Variants in CAMK1D observed in about 807,000 individuals in gnomAD.
CAMK1D encodes the protein calcium/calmodulin dependent protein kinase ID, also known as calcium/calmodulin-dependent protein kinase type 1D.
A neutral mutation model predicts 47.7 loss-of-function variants in CAMK1D; 9 were observed. The ratio of observed to expected loss-of-function variants is 0.19; its 90% CI spans 0.11 to 0.33. CAMK1D has a LOEUF of 0.33. Ranked by LOEUF, CAMK1D falls within the 10% of genes least tolerant of loss-of-function variation. CAMK1D has a pLI of 1.00. For missense variants in CAMK1D, 291 were observed against 488.7 expected (o/e 0.60, Z 3.81); for synonymous variants, 184 against 184.9 (o/e 0.99, Z 0.04).
intron 3 of CAMK1D, among the ~76,000 whole-genome samples, chr10:12,722,979 CTGG>C (rs1313192611): frequency 1.3e-5 from 2 of 151,882 alleles, no homozygotes; most frequent in African/African-American, 4.8e-5. Flanking sequence ...ATGGTGTGGG[CTGG>C]AATTTGAGTG....
intron 2 of CAMK1D, among the ~76,000 whole-genome samples, chr10:12,659,149 C>G (rs1840201696): frequency 6.6e-6 from 1 of 152,156 alleles, no homozygotes; most frequent in Non-Finnish European, 1.5e-5. Flanking sequence ...TGAGCCAGTC[C>G]CCCTGTCGCA....
At chr10:12,486,190 G>A (rs960578063) in intron 1 of CAMK1D, among the ~76,000 whole-genome samples, 46 of 148,406 alleles carry the variant, frequency 3.1e-4, no homozygotes, top group African/African-American at 1.1e-3. Context: ...ACAGAGTCTC[G>A]CTCTGTCACC....
intron 1 of CAMK1D, among the ~76,000 whole-genome samples, chr10:12,471,497 T>A (rs1655258765): frequency 6.6e-6 from 1 of 152,150 alleles, no homozygotes; most frequent in Non-Finnish European, 1.5e-5. Context: ...TGACTAGAGC[T>A]CAGCAGCCTA....
chr10:12,567,191 C>G (rs1329959709), intron 2 of CAMK1D, among the ~76,000 whole-genome samples: 3 of 152,206 alleles, frequency 2.0e-5, no homozygotes, highest in Non-Finnish European at 4.4e-5. Context: ...GCAAATGCTA[C>G]TCTGGTGTGA....
At chr10:12,751,669 G>C (rs1468138057) in intron 3 of CAMK1D, among the ~76,000 whole-genome samples, 3 of 152,218 alleles carry the variant, frequency 2.0e-5, no homozygotes, top group Non-Finnish European at 4.4e-5. Flanking sequence ...ATCTGGTCTA[G>C]GGGTCAGGAA....
In CAMK1D at chr10:12,781,982, T is replaced by G. The variant is rs201112765; in HGVS notation, c.566-9176T>G. Among the ~76,000 whole-genome samples the G allele has an allele frequency of 3.1e-3, 472 of 151,190 alleles. 10 individuals are homozygous for G. The East Asian group carries it at 0.054, about 17-fold the overall frequency. On this transcript the variant is annotated intron_variant, in intron 5 of 10. Coordinates refer to ENST00000619168, the MANE Select transcript of CAMK1D (RefSeq NM_153498.4). The stretch of plus-strand genomic sequence containing the variant: ...GTTTTTAATTTAATTGTTTTTTTTT[T>G]TTTTTTTTTTGCCATCCTGATCTAT...
intron 2 of CAMK1D, among the ~76,000 whole-genome samples, chr10:12,559,570 G>A (rs1407784602): frequency 1.3e-5 from 2 of 152,150 alleles, no homozygotes; most frequent in African/African-American, 4.8e-5. Flanking sequence ...CACAAGCCAG[G>A]CAATGTTTCC....
intron 1 of CAMK1D, among the ~76,000 whole-genome samples, chr10:12,445,711 C>T (rs1490127215): frequency 6.6e-6 from 1 of 152,186 alleles, no homozygotes. Flanking sequence ...ATGTAAAAGT[C>T]ATAAACCATG....
chr10:12,738,303 G>C (rs1375365551), intron 3 of CAMK1D, among the ~76,000 whole-genome samples: 1 of 152,194 alleles, frequency 6.6e-6, no homozygotes, highest in East Asian at 1.9e-4. Flanking sequence ...GAGATGCAAA[G>C]AGTCACATAG....
intron 2 of CAMK1D, among the ~76,000 whole-genome samples, chr10:12,638,567 G>A (rs955416211): frequency 3.3e-5 from 5 of 151,974 alleles, no homozygotes; most frequent in South Asian, 2.1e-4. Flanking sequence ...CTTGGCCCCC[G>A]ACCCTGGCCA....
At chr10:12,434,363 C>T (rs184628927) in intron 1 of CAMK1D, among the ~76,000 whole-genome samples, 4 of 152,274 alleles carry the variant, frequency 2.6e-5, no homozygotes, top group Admixed American at 1.3e-4. Context: ...TGCCCTTCAG[C>T]GCTTGAGATT....
chr10:12,502,092 C>G (rs1161795026), intron 1 of CAMK1D, among the ~76,000 whole-genome samples: 1 of 152,092 alleles, frequency 6.6e-6, no homozygotes, highest in Admixed American at 6.6e-5. Flanking sequence ...GGGTCAGGAA[C>G]GAGTGTGGAG....
rs1343826343 is a variant in CAMK1D at position 12,349,833 on chromosome 10, C to A, written c.15C>A (p.Asn5Lys). Residue 5 changes from asparagine to lysine, a missense_variant, in exon 1 of 11, where the codon AAC becomes AAA. This residue lies in a region of CAMK1D where 219 missense variants were observed against 424.3 expected (regional missense o/e 0.52). Transcript: ENST00000619168. ...GCTCGTCGGCCATGGCCCGGGAGAA[C>A]GGCGAGAGCAGCTCCTCCTGGAAAA... MARENGESSSSWKKQ... is the reference protein window; with the variant it reads MAREKGESSSSWKKQ... 6.6e-6 allele frequency: 10 copies of A among 1,504,392 alleles called. No homozygotes were observed. The highest frequency in any genetic ancestry group is 8.9e-6 in the Non-Finnish European group (10 of 1,120,018). 93.2% of individuals were successfully genotyped at this position (1,504,392 alleles called of 1,614,324 possible). A position where few individuals can be genotyped will look rare whatever the true frequency, so the allele number is the denominator to read the frequency against.
chr10:12,550,091 A>AG (rs1564405912), intron 1 of CAMK1D, among the ~76,000 whole-genome samples: 1 of 152,110 alleles, frequency 6.6e-6, no homozygotes, highest in Non-Finnish European at 1.5e-5. Flanking sequence ...CCAGGAGGAG[A>AG]GGGGCCTGAT....
intron 5 of CAMK1D, among the ~76,000 whole-genome samples, chr10:12,784,825 T>C (rs1342503567): frequency 1.3e-5 from 2 of 152,140 alleles, no homozygotes; most frequent in African/African-American, 4.8e-5. Flanking sequence ...ACAGAAATAA[T>C]GGTGTGTGGC....
chr10:12,649,808 G>T (rs1328891651), intron 2 of CAMK1D, among the ~76,000 whole-genome samples: 2 of 152,150 alleles, frequency 1.3e-5, no homozygotes. Context: ...TGGTCAAATG[G>T]ACTTTCTCCA....
intron 1 of CAMK1D, among the ~76,000 whole-genome samples, chr10:12,441,920 G>A (rs186507947): frequency 2.6e-5 from 4 of 152,246 alleles, no homozygotes; most frequent in Admixed American, 2.0e-4. Context: ...ACTGAGAAGC[G>A]CTTGATTATA....
intron 10 of CAMK1D, among the ~76,000 whole-genome samples, chr10:12,828,306 T>G (rs1361801987): frequency 1.3e-5 from 2 of 152,134 alleles, no homozygotes; most frequent in East Asian, 3.9e-4. Context: ...TTGCAAAGGC[T>G]TTCCCACAGG....
At chr10:12,464,368 G>A (rs1833528752) in intron 1 of CAMK1D, among the ~76,000 whole-genome samples, 1 of 152,098 alleles carries the variant, frequency 6.6e-6, no homozygotes, top group Non-Finnish European at 1.5e-5. Flanking sequence ...TAAATGAACT[G>A]GCCATCTCCA....
Sources: gnomAD v4.1 joint callset for allele counts (sites outside exome capture counted in the v4.1 genomes callset) on GRCh38, gnomAD v4.1.1 for gene constraint, gnomAD v4.1.1 regional missense constraint, MANE v1.5 for transcripts, NCBI Gene and HGNC (gene_info 2026-07-23, HGNC 2026-07-21) for gene names.